The following NKAIN2 variants were observed in gnomAD, a reference collection of about 807,000 sequenced individuals.
NKAIN2 encodes the protein sodium/potassium transporting ATPase interacting 2.
In NKAIN2, 14 loss-of-function variants were observed where a neutral mutation model predicts 32.6. The ratio of observed to expected loss-of-function variants is 0.43; its 90% CI spans 0.28 to 0.67. The LOEUF is 0.67. Among genes scored for constraint, NKAIN2 ranks in the 30% least tolerant of loss-of-function variants. The pLI, the probability that NKAIN2 is intolerant of heterozygous loss-of-function variation, is 0.17. For missense variants in NKAIN2, 198 were observed against 258.3 expected (o/e 0.77, Z 1.60); for synonymous variants, 80 against 87.2 (o/e 0.92, Z 0.46).
At chr6:124,648,905 A>T (rs1422022034) in intron 3 of NKAIN2, among the ~76,000 whole-genome samples, 1 of 152,252 alleles carries the variant, frequency 6.6e-6, no homozygotes, top group African/African-American at 2.4e-5. Flanking sequence ...GGTCAAGAAT[A>T]AATCTCAAGA....
chr6:123,893,816 G>T (rs1582730126), intron 1 of NKAIN2, among the ~76,000 whole-genome samples: 1 of 152,284 alleles, frequency 6.6e-6, no homozygotes, highest in African/African-American at 2.4e-5. Flanking sequence ...TGTCTGGCAG[G>T]GATTATTCCA....
intron 1 of NKAIN2, among the ~76,000 whole-genome samples, chr6:124,079,212 G>A (rs1383752699): frequency 6.6e-6 from 1 of 152,060 alleles, no homozygotes; most frequent in African/African-American, 2.4e-5. Flanking sequence ...CAGCTACTCG[G>A]GAGGCTGAGG....
chr6:124,311,281 A>G (rs1309453577), intron 2 of NKAIN2, among the ~76,000 whole-genome samples: 1 of 152,142 alleles, frequency 6.6e-6, no homozygotes, highest in Non-Finnish European at 1.5e-5. Context: ...AAGATAAAAT[A>G]TTAGCAATTA....
At chr6:124,319,222 C>T (rs1797077154) in intron 2 of NKAIN2, among the ~76,000 whole-genome samples, 1 of 152,076 alleles carries the variant, frequency 6.6e-6, no homozygotes, top group African/African-American at 2.4e-5. Flanking sequence ...ATAATACATA[C>T]AAGAGCACAT....
At chr6:123,864,283 C>G (rs143496358) in intron 1 of NKAIN2, among the ~76,000 whole-genome samples, 1 of 152,286 alleles carries the variant, frequency 6.6e-6, no homozygotes, top group East Asian at 1.9e-4. Flanking sequence ...ACGTGGATAA[C>G]TTACAGAGTA....
At chr6:124,551,357 T>C (rs1780280145) in intron 3 of NKAIN2, among the ~76,000 whole-genome samples, 1 of 152,154 alleles carries the variant, frequency 6.6e-6, no homozygotes, top group Non-Finnish European at 1.5e-5. Flanking sequence ...TAGAGCATTA[T>C]TTTGTGTTCC....
chr6:123,948,835 C>T (rs1035523573), intron 1 of NKAIN2, among the ~76,000 whole-genome samples: 3 of 151,832 alleles, frequency 2.0e-5, no homozygotes, highest in Admixed American at 2.0e-4. Flanking sequence ...AAATGTTTGC[C>T]TAGTACAATG....
chr6:124,414,016 C>T (rs1043644407), intron 3 of NKAIN2, among the ~76,000 whole-genome samples: 2 of 137,456 alleles, frequency 1.5e-5, no homozygotes, highest in South Asian at 2.2e-4. Context: ...ATACTTTGTT[C>T]GTTTGTTTTT....
Position 124,678,067 on chromosome 6 carries a change from T to C in NKAIN2, c.474+19681T>C, listed in dbSNP as rs151094119. Reference sequence around the variant, plus strand: ...CCCTTCTGAGTTGCAAGATATTTTTTAGAAATCCACTTACAGTCTTATAGA... The same window carrying C: ...CCCTTCTGAGTTGCAAGATATTTTTCAGAAATCCACTTACAGTCTTATAGA... On this transcript the variant is annotated intron_variant, in intron 4 of 6. Coordinates refer to ENST00000368417, the MANE Select transcript of NKAIN2 (RefSeq NM_001040214.3). 1.7e-3 allele frequency among the ~76,000 whole-genome samples: 255 copies of C among 152,298 alleles called. 1 individual carries two copies. Among genetic ancestry groups the C allele is most frequent in the African/African-American group, 5.8e-3 (242 of 41,584 alleles).
intron 3 of NKAIN2, among the ~76,000 whole-genome samples, chr6:124,648,648 A>G (rs1784261471): frequency 6.6e-6 from 1 of 152,322 alleles, no homozygotes; most frequent in South Asian, 2.1e-4. Flanking sequence ...ATTCCAAGTC[A>G]TAGTTCACCT....
At chr6:124,691,250 T>G (rs1774243530) in intron 4 of NKAIN2, among the ~76,000 whole-genome samples, 1 of 152,068 alleles carries the variant, frequency 6.6e-6, no homozygotes, top group South Asian at 2.1e-4. Flanking sequence ...CACCTCTCTA[T>G]CCCCATTGAC....
At chr6:123,905,402 C>T (rs936621123) in intron 1 of NKAIN2, among the ~76,000 whole-genome samples, 7 of 152,016 alleles carry the variant, frequency 4.6e-5, no homozygotes, top group Admixed American at 1.3e-4. Flanking sequence ...GAACTTTGCT[C>T]GGAAGAGAAC....
intron 4 of NKAIN2, among the ~76,000 whole-genome samples, chr6:124,664,334 G>GTA: frequency 6.6e-6 from 1 of 151,474 alleles, no homozygotes; most frequent in Non-Finnish European, 1.5e-5. Flanking sequence ...TTTATACCTA[G>GTA]TAGTTTTAAT....
chr6:124,601,024 G>T (rs930529087), intron 3 of NKAIN2, among the ~76,000 whole-genome samples: 3 of 152,162 alleles, frequency 2.0e-5, no homozygotes, highest in Non-Finnish European at 4.4e-5. Flanking sequence ...AGTCTCCATT[G>T]AGTTTCAGTT....
At chr6:124,093,849 G>A (rs543118159) in intron 1 of NKAIN2, among the ~76,000 whole-genome samples, 2 of 152,224 alleles carry the variant, frequency 1.3e-5, no homozygotes, top group African/African-American at 4.8e-5. Flanking sequence ...AGCACATCAA[G>A]AGGAAAGCCA....
chr6:124,401,521 A>C (rs530249326), intron 3 of NKAIN2, among the ~76,000 whole-genome samples: 5 of 152,276 alleles, frequency 3.3e-5, no homozygotes, highest in African/African-American at 1.2e-4. Flanking sequence ...CAATACCTGA[A>C]ATACTTACTC....
intron 4 of NKAIN2, among the ~76,000 whole-genome samples, chr6:124,729,403 T>C (rs1409421446): frequency 1.3e-5 from 2 of 151,676 alleles, no homozygotes; most frequent in Non-Finnish European, 2.9e-5. Flanking sequence ...GCTGGTTCAA[T>C]ATACACAAAT....
At position 124,331,397 on chromosome 6, in the gene NKAIN2, C is replaced by T. The variant is rs951727032; in HGVS notation, c.193-23870C>T. ...AAAAAAAACTAGCTGGGCGTGGTGG[C>T]GGATGCCTGTAGTCCCAACTACACG... On this transcript the variant is annotated intron_variant, in intron 2 of 6. Coordinates refer to ENST00000368417, the MANE Select transcript of NKAIN2 (RefSeq NM_001040214.3). 4.0e-5 allele frequency among the ~76,000 whole-genome samples: 5 copies of T among 124,818 alleles called. 1 individual carries two copies. The highest frequency in any genetic ancestry group is 1.2e-4 in the African/African-American group (4 of 32,396). The allele number at this position is 124,818 out of a possible 152,430, so 81.9% of individuals were successfully genotyped here. A position where few individuals can be genotyped will look rare whatever the true frequency, so the allele number is the denominator to read the frequency against.
chr6:124,797,008 C>T (rs186642867), intron 5 of NKAIN2, among the ~76,000 whole-genome samples: 1 of 151,954 alleles, frequency 6.6e-6, no homozygotes, highest in Non-Finnish European at 1.5e-5. Context: ...ATAAATGTGG[C>T]TCTTCTGTCT....
Sources: allele counts gnomAD v4.1 joint callset (sites outside exome capture counted in the v4.1 genomes callset), GRCh38; gene constraint gnomAD v4.1.1; transcripts MANE v1.5; gene names NCBI Gene and HGNC (gene_info 2026-07-23, HGNC 2026-07-21).